The following PKD2 variants were observed in gnomAD, a reference collection of about 807,000 sequenced individuals.
The protein encoded by PKD2 is polycystin 2, transient receptor potential cation channel.
Under a neutral mutation model 105.9 loss-of-function variants are expected in PKD2, and 48 were observed. That is an observed-to-expected ratio of 0.45 (90% CI 0.36 to 0.58). The LOEUF (loss-of-function observed/expected upper bound fraction) is 0.58, where lower values mean the gene tolerates loss of function less well. Among genes scored for constraint, PKD2 ranks in the 20% least tolerant of loss-of-function variants. The probability of loss-of-function intolerance (pLI) is 0.00; values close to 1 mark genes in which losing one functional copy is unlikely to be tolerated. For synonymous variants in PKD2, 464 were observed against 481.1 expected (o/e 0.96, Z 0.46); for missense variants, 1,078 against 1,255.3 (o/e 0.86, Z 2.13).
At position 88,076,420 on chromosome 4, in the gene PKD2, AAC is replaced by A. The variant is rs535671173; in HGVS notation, c.*730_*731del. 2.0e-5 allele frequency: 3 copies of A among 152,256 alleles called. No individual in the cohort carries two copies. The highest frequency in any genetic ancestry group is 6.5e-5 in the Admixed American group (1 of 15,282). 9.4% of individuals were successfully genotyped at this position (152,256 alleles called of 1,614,324 possible). A position where few individuals can be genotyped will look rare whatever the true frequency, so the allele number is the denominator to read the frequency against. On this transcript the variant is annotated 3_prime_UTR_variant, in exon 15 of 15. Transcript: ENST00000237596. ...AGGATAAAATGGCATCTCTAACCAT[AAC>A]ACAGGAGAATTGGAAGGAGCCCTAA...
At chr4:88,030,616 C>T (rs1346590142) in intron 2 of PKD2, among the ~76,000 whole-genome samples, 1 of 152,230 alleles carries the variant, frequency 6.6e-6, no homozygotes, top group Non-Finnish European at 1.5e-5. Context: ...TCCTCCTCAT[C>T]CTTCAAAATC....
intron 1 of PKD2, among the ~76,000 whole-genome samples, chr4:88,010,760 G>C (rs1048272710): frequency 6.6e-6 from 1 of 152,148 alleles, no homozygotes; most frequent in Non-Finnish European, 1.5e-5. Flanking sequence ...CCATGCTCTG[G>C]TCTGTTGTTT....
Position 88,065,400 on chromosome 4 carries a change from A to G in PKD2, c.2145A>G (p.Leu715=), listed in dbSNP as rs1276380899. Residue 715 remains leucine, a synonymous_variant, in exon 11 of 15, where the codon CTA becomes CTG. Coordinates refer to ENST00000237596, the MANE Select transcript of PKD2 (RefSeq NM_000297.4). The part of the protein sequence containing the change: ...RKGYHKALVK[L]KLKKNTVDDI... ...GCTACCATAAAGCTTTGGTCAAACT[A>G]AAACTGAAAAAAAATACCGTGGATG... 1 of 1,612,416 alleles carries G rather than the reference A, an allele frequency of 6.2e-7. No homozygotes were observed. Among genetic ancestry groups the G allele is most frequent in the African/African-American group, 1.3e-5 (1 of 75,020 alleles).
Position 88,058,045 on chromosome 4 carries a change from G to A in PKD2, c.1961G>A (p.Arg654Gln). ...TTTGCAGAGATTGAGGAAGCTAATCGAGTTTTGGGACCAATTTATTTCACT... is the reference window on the plus strand; with the variant it reads ...TTTGCAGAGATTGAGGAAGCTAATCAAGTTTTGGGACCAATTTATTTCACT... ...INFAEIEEAN[R>Q]VLGPIYFTTF... The change falls in exon 9 of 15, where the codon CGA (arginine) becomes CAA (glutamine). Residue 654 changes from arginine to glutamine, a missense_variant. This residue lies in a region of PKD2 where 868 missense variants were observed against 1,067.3 expected (regional missense o/e 0.81). Transcript: ENST00000237596. The A allele has an allele frequency of 6.4e-7, 1 of 1,557,890 alleles. No homozygotes were observed. The highest frequency in any genetic ancestry group is 8.9e-7 in the Non-Finnish European group (1 of 1,128,996).
chr4:88,044,767 G>A (rs150805697), intron 5 of PKD2, among the ~76,000 whole-genome samples: 113 of 152,218 alleles, frequency 7.4e-4, no homozygotes, highest in African/African-American at 2.3e-3. Flanking sequence ...ACATGAAGTC[G>A]GGTGTGGAAT....
chr4:88,017,008 T>C (rs1349683780), intron 1 of PKD2, among the ~76,000 whole-genome samples: 1 of 150,676 alleles, frequency 6.6e-6, no homozygotes, highest in Non-Finnish European at 1.5e-5. Context: ...AAAGAAAATA[T>C]ATGGATGTAT....
chr4:88,034,696 T>TA (rs1727273131), intron 2 of PKD2, among the ~76,000 whole-genome samples: 1 of 135,414 alleles, frequency 7.4e-6, no homozygotes, highest in Non-Finnish European at 1.6e-5. Flanking sequence ...AAAGGCAGAG[T>TA]GGGGAAGAGA....
intron 2 of PKD2, among the ~76,000 whole-genome samples, chr4:88,024,072 C>T (rs749216488): frequency 1.3e-4 from 20 of 152,136 alleles, no homozygotes; most frequent in Non-Finnish European, 2.9e-4. Flanking sequence ...TATTAATATA[C>T]ATGGGTTACT....
rs1721243620 is a variant in PKD2 at position 88,076,640 on chromosome 4, T to G, written c.*946T>G. ...ACAATTATGTTCATTTTAAGCAAAA[T>G]TTTAAGAAAGTTTTGAAATTCATAA... On this transcript the variant is annotated 3_prime_UTR_variant, in exon 15 of 15. Coordinates refer to ENST00000237596, the MANE Select transcript of PKD2 (RefSeq NM_000297.4). 2 of 152,160 alleles carry G rather than the reference T, an allele frequency of 1.3e-5. No individual in the cohort carries two copies. Among genetic ancestry groups the G allele is most frequent in the South Asian group, 4.1e-4 (2 of 4,824 alleles). The allele number at this position is 152,160 out of a possible 1,614,324, so 9.4% of individuals were successfully genotyped here. A position where few individuals can be genotyped will look rare whatever the true frequency, so the allele number is the denominator to read the frequency against.
At chr4:88,045,124 G>A (rs112833498) in intron 5 of PKD2, among the ~76,000 whole-genome samples, 57 of 152,296 alleles carry the variant, frequency 3.7e-4, no homozygotes, top group African/African-American at 1.3e-3. Flanking sequence ...TTACTTTAAG[G>A]ATGAACATTG....
Position 88,043,615 on chromosome 4 carries a change from G to A in PKD2, c.1319+158G>A, listed in dbSNP as rs192899890. On this transcript the variant is annotated intron_variant, in intron 5 of 14. Coordinates refer to ENST00000237596, the MANE Select transcript of PKD2 (RefSeq NM_000297.4). The stretch of plus-strand genomic sequence containing the variant: ...GAGGGGTAAAAACTGAAGGCTTACC[G>A]AAATAAAGGATATTTGAGGAAGGGA... 3.1e-3 allele frequency among the ~76,000 whole-genome samples: 466 copies of A among 152,256 alleles called. 4 individuals are homozygous for A. Among genetic ancestry groups the A allele is most frequent in the African/African-American group, 0.011 (442 of 41,544 alleles).
chr4:88,075,401 C>T (rs1721193756), intron 14 of PKD2, 57 bp from the exon 15 acceptor site: 13 of 1,232,668 alleles, frequency 1.1e-5, no homozygotes, highest in Non-Finnish European at 9.6e-6. Context: ...GGTCCCTGGA[C>T]TTCCTAAGGC....
rs142701912 is a variant in PKD2, at chr4:88,075,653, G to A, written c.2866G>A (p.Glu956Lys). ...PSSSQSTEGMEGAGGNGSSNV... is the reference protein window; with the variant it reads ...PSSSQSTEGMKGAGGNGSSNV... Reference sequence around the variant, plus strand: ...TTCCTCCCAATCTACAGAAGGCATGGAAGGTGCAGGTGGAAATGGGAGTTC... The same window carrying A: ...TTCCTCCCAATCTACAGAAGGCATGAAAGGTGCAGGTGGAAATGGGAGTTC... Residue 956 changes from glutamate to lysine, a missense_variant, in exon 15 of 15, where the codon GAA becomes AAA. Physicochemically the swap from Glu to Lys is moderately conservative, Grantham distance 56. This residue lies in a region of PKD2 where 868 missense variants were observed against 1,067.3 expected (regional missense o/e 0.81). Coordinates refer to ENST00000237596, the MANE Select transcript of PKD2 (RefSeq NM_000297.4). The A allele has an allele frequency of 4.4e-5, 71 of 1,614,102 alleles. No homozygotes were observed. The African/African-American group carries it at 8.1e-4, about 18-fold the overall frequency.
chr4:88,064,593 C>T (rs1010917902), intron 10 of PKD2, among the ~76,000 whole-genome samples: 1 of 152,020 alleles, frequency 6.6e-6, no homozygotes, highest in Admixed American at 6.6e-5. Flanking sequence ...GTCTAAAGTT[C>T]GCTAATGAAA....
At chr4:88,055,856 C>T (rs1720309910) in intron 7 of PKD2, among the ~76,000 whole-genome samples, 1 of 152,154 alleles carries the variant, frequency 6.6e-6, no homozygotes, top group Non-Finnish European at 1.5e-5. Context: ...CTCCATTCTA[C>T]TTTCTGTCAC....
At chr4:88,049,202 C>T (rs946884749) in intron 6 of PKD2, among the ~76,000 whole-genome samples, 1 of 152,222 alleles carries the variant, frequency 6.6e-6, no homozygotes, top group Non-Finnish European at 1.5e-5. Flanking sequence ...TGTGTGCCTA[C>T]TTTGGTGTAA....
In PKD2 at chr4:88,074,926, G is replaced by C. The variant is rs371249995; in HGVS notation, c.2637G>C (p.Glu879Asp). The change falls in exon 14 of 15, where the codon GAG becomes GAC. Residue 879 changes from glutamate to aspartate, a missense_variant. Around this residue, in one of 2 missense-constraint regions of PKD2, gnomAD observed 868 missense variants for 1,067.3 expected, o/e 0.81. Transcript: ENST00000237596. ...AGCGAGCCAAACTGAAGAGGAGGGAGGTGCTGGGAAGGCTGTTGGATGGGG... is the reference window on the plus strand; with the variant it reads ...AGCGAGCCAAACTGAAGAGGAGGGACGTGCTGGGAAGGCTGTTGGATGGGG... ...IMERAKLKRR[E>D]VLGRLLDGVA... 1 of 1,614,176 alleles carries C rather than the reference G, an allele frequency of 6.2e-7. No homozygotes were observed. The highest frequency in any genetic ancestry group is 1.7e-4 in the Middle Eastern group (1 of 6,060).
rs761897541 is a variant in PKD2, at chr4:88,065,772, A to G, written c.2251A>G (p.Thr751Ala). The change falls in exon 12 of 15, where the codon ACT becomes GCT. Residue 751 changes from threonine to alanine, a missense_variant. This residue lies in a region of PKD2 where 868 missense variants were observed against 1,067.3 expected (regional missense o/e 0.81). Coordinates refer to ENST00000237596, the MANE Select transcript of PKD2 (RefSeq NM_000297.4). The part of the protein sequence containing the change: ...LRQDLKGKGH[T>A]DAEIEAIFTK... Reference sequence around the variant, plus strand: ...TCTCTCTAATTTCAGGAAGGGCCATACTGATGCAGAGATTGAGGCAATATT... The same window carrying G: ...TCTCTCTAATTTCAGGAAGGGCCATGCTGATGCAGAGATTGAGGCAATATT... 2.5e-6 allele frequency: 4 copies of G among 1,608,670 alleles called. No individual in the cohort carries two copies. Among genetic ancestry groups the G allele is most frequent in the East Asian group, 2.2e-5 (1 of 44,862 alleles).
chr4:88,056,938 CT>C (rs1246511764), intron 8 of PKD2, among the ~76,000 whole-genome samples: 3 of 152,144 alleles, frequency 2.0e-5, no homozygotes, highest in Non-Finnish European at 4.4e-5. Context: ...AATATTGGAT[CT>C]TTGAACTCAA....
Sources: allele counts gnomAD v4.1 joint callset (sites outside exome capture counted in the v4.1 genomes callset), GRCh38; gene constraint gnomAD v4.1.1; regional missense constraint gnomAD v4.1.1; transcripts MANE v1.5; gene names NCBI Gene and HGNC (gene_info 2026-07-23, HGNC 2026-07-21).